FAM3D: variants seen among roughly 807,000 people sequenced by gnomAD.
The protein encoded by FAM3D is FAM3 metabolism regulating signaling molecule D.
In FAM3D, 26 loss-of-function variants were observed where a neutral mutation model predicts 29.8. The ratio of observed to expected loss-of-function variants is 0.87; its 90% confidence interval spans 0.64 to 1.21. The LOEUF (loss-of-function observed/expected upper bound fraction) is 1.21, where lower values mean the gene tolerates loss of function less well. Among genes scored for constraint, FAM3D ranks in the 50% most tolerant of loss-of-function variants. The pLI is 0.00. For synonymous variants in FAM3D, 115 were observed against 102.3 expected, an observed-to-expected ratio of 1.12 and a Z score of -0.75; for missense variants, 253 against 290.9, an observed-to-expected ratio of 0.87 and a Z score of 0.95.
chr3:58,643,531 C>G, intron 6 of FAM3D, 131 bp downstream of exon 6: 1 of 999,384 alleles, frequency 1.0e-6, no homozygotes, highest in Non-Finnish European at 1.6e-6. Context: ...CCACGCTTCC[C>G]CTCCTGAGCT....
At position 58,634,212 on chromosome 3, in the gene FAM3D, G is replaced by A. The variant is rs934300926; in HGVS notation, c.*67C>T. 1.2e-5 allele frequency: 18 copies of A among 1,466,840 alleles called. No homozygotes were observed. The highest frequency in any genetic ancestry group is 2.4e-5 in the South Asian group (2 of 84,154). 90.9% of individuals were successfully genotyped at this position (1,466,840 alleles called of 1,614,324 possible). ...CTGCTCCTCCTCCTCAGCCCCTGCC[G>A]GGCTCTGACTCCTAAGTCAGGCAGG... On this transcript the variant is annotated 3_prime_UTR_variant, in exon 10 of 10. Transcript: ENST00000358781. This position sits in a 1 kb window ranked among gnomAD's most constrained non-coding sequence, Gnocchi z 4.6.
At position 58,645,555 on chromosome 3, in the gene FAM3D, C is replaced by T. The variant is rs377609615; in HGVS notation, c.217G>A (p.Gly73Arg). The T allele has an allele frequency of 6.2e-7, 1 of 1,614,106 alleles. No individual in the cohort carries two copies. Among genetic ancestry groups the T allele is most frequent in the African/African-American group, 1.3e-5 (1 of 74,942 alleles). ...GTAGGGCCCACGACGTTGGCGGCCC[C>T]ACTGCAGATTTTAAACGCAAAGTAG... is the stretch of plus-strand genomic sequence containing the variant. ...ANYFAFKICS[G>R]AANVVGPTMC... The change falls in exon 5 of 10, where the codon GGG becomes AGG. Residue 73 changes from glycine (G) to arginine (R), a missense_variant. By Grantham distance (125) the Gly-to-Arg change is moderately radical (BLOSUM62 -2). Coordinates refer to ENST00000358781, the MANE Select transcript of FAM3D (RefSeq NM_138805.3).
At chr3:58,662,000 GTGTC>G (rs2066940743) in intron 1 of FAM3D, among the ~76,000 whole-genome samples, 1 of 152,212 alleles carries the variant, frequency 6.6e-6, no homozygotes, top group South Asian at 2.1e-4. Flanking sequence ...CTGCCCTCCA[GTGTC>G]TGAGGGGATG....
At chr3:58,649,515 A>G (rs1191832296) in intron 3 of FAM3D, 177 bp from the exon 4 acceptor site, 1 of 657,820 alleles carries the variant, frequency 1.5e-6, no homozygotes, top group Admixed American at 2.5e-5. Flanking sequence ...CACACACAGC[A>G]CACATATACA....
chr3:58,650,559 C>T (rs2066607369), intron 3 of FAM3D, among the ~76,000 whole-genome samples: 1 of 151,986 alleles, frequency 6.6e-6, no homozygotes, highest in African/African-American at 2.4e-5. Flanking sequence ...AAGCAAAGCC[C>T]AGGGATGTAG....
chr3:58,649,495 C>T (rs2066569973), intron 3 of FAM3D, 157 bp from the exon 4 acceptor site: 2 of 735,108 alleles, frequency 2.7e-6, no homozygotes, highest in Non-Finnish European at 4.7e-6. Context: ...CCCCTTCACA[C>T]ACATACATAC....
intron 9 of FAM3D, 59 bp downstream of exon 9, chr3:58,636,235 T>C: frequency 2.5e-6 from 4 of 1,577,488 alleles, no homozygotes; most frequent in South Asian, 1.2e-5. Context: ...GACTCCTTCC[T>C]ACCACCACCC....
intron 7 of FAM3D, among the ~76,000 whole-genome samples, chr3:58,639,908 G>A (rs948677488): frequency 1.3e-5 from 2 of 152,160 alleles, no homozygotes; most frequent in African/African-American, 4.8e-5. Flanking sequence ...TTGAATCCCT[G>A]TCTCAGGATC....
At chr3:58,665,251 G>C (rs928511944) in intron 1 of FAM3D, among the ~76,000 whole-genome samples, 1 of 152,036 alleles carries the variant, frequency 6.6e-6, no homozygotes, top group East Asian at 1.9e-4. Flanking sequence ...AGACCTGGGC[G>C]CAACAACCTC....
At chr3:58,646,622 T>C (rs2066489500) in intron 4 of FAM3D, among the ~76,000 whole-genome samples, 1 of 152,242 alleles carries the variant, frequency 6.6e-6, no homozygotes, top group Admixed American at 6.5e-5. Flanking sequence ...AATGCTCATC[T>C]GCAAAGGGAA....
At chr3:58,652,134 A>G (rs1248100000) in intron 3 of FAM3D, among the ~76,000 whole-genome samples, 1 of 152,174 alleles carries the variant, frequency 6.6e-6, no homozygotes, top group Non-Finnish European at 1.5e-5. Flanking sequence ...ATCAGAAAGG[A>G]TATGAATCTG....
Position 58,634,159 on chromosome 3 carries a change from A to G in FAM3D, c.*120T>C. On this transcript the variant is annotated 3_prime_UTR_variant, in exon 10 of 10. Transcript: ENST00000358781. The surrounding 1 kb of genome is among the most constrained non-coding windows in gnomAD (Gnocchi z 4.6). ...GAGAGGCGCGACACAGCGTGCAAGGACCTGCAGCACCTTCCACGCAGCACC... is the reference window on the plus strand; with the variant it reads ...GAGAGGCGCGACACAGCGTGCAAGGGCCTGCAGCACCTTCCACGCAGCACC... The G allele has an allele frequency of 1.2e-6, 1 of 818,878 alleles. No homozygotes were observed. The highest frequency in any genetic ancestry group is 2.5e-5 in the East Asian group (1 of 40,188). 50.7% of individuals were successfully genotyped at this position (818,878 alleles called of 1,614,324 possible).
intron 1 of FAM3D, among the ~76,000 whole-genome samples, chr3:58,656,001 T>C (rs1348504): frequency 0.96 from 146,695 of 152,156 alleles, 70,946 homozygotes; most frequent in East Asian, 1. Flanking sequence ...ATCCTCTATC[T>C]GTTCACTTTT....
Position 58,634,325 on chromosome 3 carries a change from G to C in FAM3D, c.629C>G (p.Pro210Arg), listed in dbSNP as rs376523216. Residue 210 changes from proline to arginine, a missense_variant, in exon 10 of 10, where the codon CCA (proline) becomes CGA (arginine). Coordinates refer to ENST00000358781, the MANE Select transcript of FAM3D (RefSeq NM_138805.3). This position sits in a 1 kb window ranked among gnomAD's most constrained non-coding sequence, Gnocchi z 4.6. The stretch of plus-strand genomic sequence containing the variant: ...GCAGCCCTCCATCTCCAGCAGCTCT[G>C]GCCATCCCTCGTATTTGTTTGTGTC... ...SPDTNKYEGWPELLEMEGCMP... is the reference protein window; with the variant it reads ...SPDTNKYEGWRELLEMEGCMP... 3.3e-5 allele frequency: 54 copies of C among 1,613,922 alleles called. No homozygotes were observed. The highest frequency in any genetic ancestry group is 6.7e-5 in the Admixed American group (4 of 60,006).
At chr3:58,661,809 C>G (rs115119113) in intron 1 of FAM3D, among the ~76,000 whole-genome samples, 630 of 152,348 alleles carry the variant, frequency 4.1e-3, no homozygotes, top group Non-Finnish European at 6.3e-3. Flanking sequence ...AGTTGTTAAT[C>G]AAGCAGGCTT....
rs769530185 is a variant in FAM3D at position 58,637,184 on chromosome 3, C to T, written c.415G>A (p.Gly139Ser). ...LVKFLKEIPG[G>S]ALVLVASYDD... is the part of the protein sequence containing the mutation. ...TAGGAGGCCACCAGCACCAGTGCAC[C>T]CCCCGGAATTTCTTTAAGGAATTTC... The change falls in exon 8 of 10, where the codon GGT becomes AGT. Residue 139 changes from glycine (G) to serine (S), a missense_variant. By Grantham distance (56) the Gly-to-Ser change is moderately conservative (BLOSUM62 0). Transcript: ENST00000358781. 1.9e-6 allele frequency: 3 copies of T among 1,613,878 alleles called. No homozygotes were observed. The highest frequency in any genetic ancestry group is 2.5e-6 in the Non-Finnish European group (3 of 1,179,994).
At chr3:58,655,499 G>C in intron 2 of FAM3D, 52 bp downstream of exon 2, 2 of 1,610,236 alleles carry the variant, frequency 1.2e-6, no homozygotes, top group Non-Finnish European at 1.7e-6. Flanking sequence ...AGCCCAGGAT[G>C]GGTGGACACA....
At chr3:58,656,057 A>G (rs1043691258) in intron 1 of FAM3D, among the ~76,000 whole-genome samples, 7 of 150,738 alleles carry the variant, frequency 4.6e-5, no homozygotes, top group Non-Finnish European at 8.9e-5. Context: ...CCATCCTTTC[A>G]GCTGTCTATT....
At chr3:58,660,476 C>T (rs1189790774) in intron 1 of FAM3D, among the ~76,000 whole-genome samples, 1 of 152,202 alleles carries the variant, frequency 6.6e-6, no homozygotes, top group East Asian at 1.9e-4. Context: ...AATTATTGAT[C>T]ATGTCGCCAA....
Sources: gnomAD v4.1 joint callset for allele counts (sites outside exome capture counted in the v4.1 genomes callset) on GRCh38, gnomAD v4.1.1 for gene constraint, Gnocchi (gnomAD v3.1) non-coding constraint, MANE v1.5 for transcripts, NCBI Gene and HGNC (gene_info 2026-07-23, HGNC 2026-07-21) for gene names.